DTHD1: variants seen among roughly 807,000 people sequenced by gnomAD.
DTHD1 encodes death domain-containing protein 1.
A neutral mutation model predicts 74.8 loss-of-function variants in DTHD1; 59 were observed. That is an observed-to-expected ratio of 0.79 (90% CI 0.64 to 0.98). DTHD1 has a LOEUF of 0.98. Among genes scored for constraint, DTHD1 ranks in the 50% least tolerant of loss-of-function variants. The probability of loss-of-function intolerance (pLI) is 0.00; values close to 1 mark genes in which losing one functional copy is unlikely to be tolerated. For synonymous variants in DTHD1, 365 were observed against 371.1 expected, an observed-to-expected ratio of 0.98 and a Z score of 0.19; for missense variants, 1,051 against 1,065.4, an observed-to-expected ratio of 0.99 and a Z score of 0.19.
In DTHD1 at chr4:36,306,321, G is replaced by C. The variant is rs1019232421; in HGVS notation, c.1774G>C (p.Val592Leu). Residue 592 changes from valine to leucine, a missense_variant, in exon 6 of 10, where the codon GTA becomes CTA. Physicochemically the swap from Val to Leu is conservative, Grantham distance 32. Coordinates refer to ENST00000639862, the MANE Select transcript of DTHD1 (RefSeq NM_001170700.3). ...TGTGAAAACCATACAGAGCGGCTTG[G>C]TATCAGTTGAATTGTATGAACATTT... is the stretch of plus-strand genomic sequence containing the variant. Reference protein sequence around the residue: ...DVVKTIQSGLVSVELYEHLER... With the variant: ...DVVKTIQSGLLSVELYEHLER... 2 of 1,550,854 alleles carry C rather than the reference G, an allele frequency of 1.3e-6. No homozygotes were observed. Among genetic ancestry groups the C allele is most frequent in the African/African-American group, 2.7e-5 (2 of 73,114 alleles).
rs183934349 is a variant in DTHD1 at position 36,347,012 on chromosome 4, T to G, written c.*3188T>G. Among the ~76,000 whole-genome samples, 4 of 152,322 alleles carry G rather than the reference T, an allele frequency of 2.6e-5. No homozygotes were observed. The highest frequency in any genetic ancestry group is 9.6e-5 in the African/African-American group (4 of 41,582). On this transcript the variant is annotated 3_prime_UTR_variant, in exon 10 of 10. Coordinates refer to ENST00000639862, the MANE Select transcript of DTHD1 (RefSeq NM_001170700.3). ...ATTCTAATTTGAGTATATCACTATA[T>G]TTCTCATTGAGACCCTGATTGATAC...
Position 36,283,984 on chromosome 4 carries a change from A to G in DTHD1, c.280A>G (p.Thr94Ala). Residue 94 changes from threonine to alanine, a missense_variant, in exon 2 of 10, where the codon ACT becomes GCT. By Grantham distance (58) the Thr-to-Ala change is moderately conservative (BLOSUM62 0). Transcript: ENST00000639862. ...CATGTATGTGTGTGTAGAAATCATT[A>G]CTTTCATAGACTGCCTCATAAAAAT... The part of the protein sequence containing the change: ...NQCVSRKEII[T>A]FIDCLIKITE... 6.5e-7 allele frequency: 1 copy of G among 1,530,286 alleles called. No individual in the cohort carries two copies. 94.8% of individuals were successfully genotyped at this position (1,530,286 alleles called of 1,614,324 possible).
At position 36,290,274 on chromosome 4, in the gene DTHD1, C is replaced by G. The variant is rs1755984880; in HGVS notation, c.888-99C>G. ...GAGTTGATCAGAACTGGAATTCACA[C>G]CAAGACAATGTAGATCTAGAGTCTG... On this transcript the variant is annotated intron_variant, in intron 2 of 9. Transcript: ENST00000639862. 6 of 1,255,944 alleles carry G rather than the reference C, an allele frequency of 4.8e-6. No homozygotes were observed. In the Admixed American group the frequency reaches 8.1e-5, roughly 17 times the overall value. The allele number at this position is 1,255,944 out of a possible 1,614,324, so 77.8% of individuals were successfully genotyped here.
chr4:36,345,814 CT>C lies in DTHD1; in HGVS notation c.*1997del, dbSNP rs923177056. 3.3e-5 allele frequency: 5 copies of C among 152,018 alleles called. No individual in the cohort carries two copies. Among genetic ancestry groups the C allele is most frequent in the Non-Finnish European group, 5.9e-5 (4 of 67,970 alleles). The allele number at this position is 152,018 out of a possible 1,614,324, so 9.4% of individuals were successfully genotyped here. A position where few individuals can be genotyped will look rare whatever the true frequency, so the allele number is the denominator to read the frequency against. On this transcript the variant is annotated 3_prime_UTR_variant, in exon 10 of 10. Transcript: ENST00000639862. ...TTTGGCATAATTTCTTCTAGTTTTTCTTTTTTTCTGGAAGAAAATATTTCTA... is the reference window on the plus strand; with the variant it reads ...TTTGGCATAATTTCTTCTAGTTTTTCTTTTTTCTGGAAGAAAATATTTCTA...
intron 8 of DTHD1, among the ~76,000 whole-genome samples, chr4:36,338,858 A>C (rs1021256041): frequency 6.6e-6 from 1 of 152,164 alleles, no homozygotes; most frequent in African/African-American, 2.4e-5. Context: ...TTTAGAGTTA[A>C]TCTGAGTGCT....
At chr4:36,330,833 T>C (rs1758619746) in intron 8 of DTHD1, among the ~76,000 whole-genome samples, 1 of 152,150 alleles carries the variant, frequency 6.6e-6, no homozygotes, top group Non-Finnish European at 1.5e-5. Context: ...AGCACGAAGC[T>C]TTTATAGTAG....
Position 36,290,584 on chromosome 4 carries a change from C to T in DTHD1, c.1099C>T (p.Pro367Ser), listed in dbSNP as rs1464309874. 6.4e-7 allele frequency: 1 copy of T among 1,551,360 alleles called. No homozygotes were observed. Among genetic ancestry groups the T allele is most frequent in the Non-Finnish European group, 8.7e-7 (1 of 1,146,982 alleles). The change falls in exon 3 of 10, where the codon CCA (proline) becomes TCA (serine). Residue 367 changes from proline to serine, a missense_variant. Pro to Ser is a moderately conservative substitution (Grantham distance 74). Transcript: ENST00000639862. Reference sequence around the variant, plus strand: ...TCCATTTCCAATAGGCATTGCAATTCCATTTACTGCACGTTACAGAGGAAA... The same window carrying T: ...TCCATTTCCAATAGGCATTGCAATTTCATTTACTGCACGTTACAGAGGAAA... ...RVPFPIGIAIPFTARYRGNYR... is the reference protein window; with the variant it reads ...RVPFPIGIAISFTARYRGNYR...
In DTHD1 at chr4:36,293,559, G is replaced by C. The variant is rs376079497; in HGVS notation, c.1252G>C (p.Gly418Arg). The C allele has an allele frequency of 4.5e-6, 7 of 1,545,586 alleles. No individual in the cohort carries two copies. Among genetic ancestry groups the C allele is most frequent in the Non-Finnish European group, 2.6e-6 (3 of 1,143,120 alleles). ...TGCTTCAGTAAAAGTTTACAAATTG[G>C]GTATCTTTTCTGTTGTGTCTTGTTT... Reference protein sequence around the residue: ...TCASVKVYKLGIFSVVSCLKK... With the variant: ...TCASVKVYKLRIFSVVSCLKK... The change falls in exon 4 of 10, where the codon GGT becomes CGT. Residue 418 changes from glycine (G) to arginine (R), a missense_variant. By Grantham distance (125) the Gly-to-Arg change is moderately radical. Transcript: ENST00000639862.
At chr4:36,314,746 AGT>A (rs1491589083) in intron 7 of DTHD1, among the ~76,000 whole-genome samples, 46 of 103,674 alleles carry the variant, frequency 4.4e-4, no homozygotes, top group African/African-American at 1.8e-3. Context: ...AAACAATCTG[AGT>A]TTTTTTTTTT....
chr4:36,332,406 C>G (rs894438612), intron 8 of DTHD1, among the ~76,000 whole-genome samples: 6 of 152,058 alleles, frequency 3.9e-5, no homozygotes, highest in African/African-American at 1.4e-4. Context: ...TTGTGAGGAG[C>G]CCCATTATGT....
intron 5 of DTHD1, among the ~76,000 whole-genome samples, chr4:36,300,952 C>T (rs1464777626): frequency 3.9e-5 from 6 of 152,052 alleles, no homozygotes; most frequent in Non-Finnish European, 7.4e-5. Context: ...AAATAAGATT[C>T]CCTGTGAATT....
intron 9 of DTHD1, among the ~76,000 whole-genome samples, chr4:36,342,542 A>G (rs1300075766): frequency 6.6e-6 from 1 of 152,144 alleles, no homozygotes; most frequent in Non-Finnish European, 1.5e-5. Flanking sequence ...AGTAACAACC[A>G]TAACAACAGG....
intron 8 of DTHD1, among the ~76,000 whole-genome samples, chr4:36,338,358 CGAAA>C (rs1560821346): frequency 6.6e-6 from 1 of 151,978 alleles, no homozygotes; most frequent in African/African-American, 2.4e-5. Flanking sequence ...TATTTTTCCA[CGAAA>C]GAACATTTTA....
intron 6 of DTHD1, among the ~76,000 whole-genome samples, chr4:36,307,044 T>C (rs533861163): frequency 6.6e-6 from 1 of 152,326 alleles, no homozygotes; most frequent in South Asian, 2.1e-4. Context: ...GCAGTGCGAG[T>C]ACCAAGGCGG....
intron 5 of DTHD1, among the ~76,000 whole-genome samples, chr4:36,295,672 C>A (rs1010401026): frequency 2.6e-5 from 4 of 151,842 alleles, no homozygotes; most frequent in Non-Finnish European, 4.4e-5. Flanking sequence ...ATTACAGTTA[C>A]CTGGAGAATA....
intron 3 of DTHD1, among the ~76,000 whole-genome samples, chr4:36,293,312 G>T (rs1377361468): frequency 6.6e-6 from 1 of 152,068 alleles, no homozygotes; most frequent in Non-Finnish European, 1.5e-5. Context: ...GTTTATTTCT[G>T]TTTTTTATTG....
chr4:36,339,607 AT>A (rs1759206904), intron 9 of DTHD1, among the ~76,000 whole-genome samples: 1 of 152,216 alleles, frequency 6.6e-6, no homozygotes, highest in South Asian at 2.1e-4. Flanking sequence ...TTTGGTTATC[AT>A]TATGCATAAT....
chr4:36,301,033 G>A (rs1409693282), intron 5 of DTHD1, among the ~76,000 whole-genome samples: 1 of 152,102 alleles, frequency 6.6e-6, no homozygotes, highest in African/African-American at 2.4e-5. Context: ...TCCCAATAGT[G>A]TCTATTTCCC....
In DTHD1 at chr4:36,287,257, G is replaced by T. The variant is rs188793441; in HGVS notation, c.887+2666G>T. Among the ~76,000 whole-genome samples, 319 of 152,282 alleles carry T rather than the reference G, an allele frequency of 2.1e-3. 3 individuals carry two copies. Among genetic ancestry groups the T allele is most frequent in the African/African-American group, 7.2e-3 (299 of 41,556 alleles). On this transcript the variant is annotated intron_variant, in intron 2 of 9. Coordinates refer to ENST00000639862, the MANE Select transcript of DTHD1 (RefSeq NM_001170700.3). Reference sequence around the variant, plus strand: ...GTTTTTCCATTCCTGAGTAACTTCAGTTAGAGTAATGTTCTCCAATTCCAT... The same window carrying T: ...GTTTTTCCATTCCTGAGTAACTTCATTTAGAGTAATGTTCTCCAATTCCAT...
Sources: gnomAD v4.1 joint callset for allele counts (sites outside exome capture counted in the v4.1 genomes callset) on GRCh38, gnomAD v4.1.1 for gene constraint, MANE v1.5 for transcripts, NCBI Gene and HGNC (gene_info 2026-07-23, HGNC 2026-07-21) for gene names.